PCDH15: variants seen among roughly 807,000 people sequenced by gnomAD.
PCDH15 encodes protocadherin-15.
PCDH15 carries 129 observed loss-of-function variants against 178.5 expected under a neutral mutation model. The ratio of observed to expected loss-of-function variants is 0.72; its 90% CI spans 0.63 to 0.84. The LOEUF (loss-of-function observed/expected upper bound fraction) is 0.84, where lower values mean the gene tolerates loss of function less well. Among genes scored for constraint, PCDH15 ranks in the 40% least tolerant of loss-of-function variants. The pLI, the probability that PCDH15 is intolerant of heterozygous loss-of-function variation, is 0.00. For missense variants in PCDH15, 2,230 were observed against 2,099.9 expected, an observed-to-expected ratio of 1.06 and a Z score of -1.21; for synonymous variants, 800 against 732.0, an observed-to-expected ratio of 1.09 and a Z score of -1.50.
intron 1 of PCDH15, among the ~76,000 whole-genome samples, chr10:54,754,206 C>T (rs945334659): frequency 4.3e-4 from 66 of 152,048 alleles, no homozygotes; most frequent in African/African-American, 1.5e-3. Flanking sequence ...TTCAAATTTC[C>T]TTTAGATTAG....
intron 2 of PCDH15, among the ~76,000 whole-genome samples, chr10:55,129,529 ATTC>A: frequency 6.6e-6 from 1 of 152,228 alleles, no homozygotes; most frequent in East Asian, 1.9e-4. Flanking sequence ...TACATAGTCA[ATTC>A]TTCTCTCTTA....
At chr10:54,656,813 G>C (rs1229004016) in intron 2 of PCDH15, among the ~76,000 whole-genome samples, 3 of 152,168 alleles carry the variant, frequency 2.0e-5, no homozygotes. Flanking sequence ...GATCACTGAA[G>C]GGAGTGGCAC....
chr10:54,447,987 TA>T (rs1301751240), intron 3 of PCDH15, among the ~76,000 whole-genome samples: 1 of 151,658 alleles, frequency 6.6e-6, no homozygotes, highest in East Asian at 1.9e-4. Context: ...CCATATGTTA[TA>T]ATATTTAACT....
chr10:53,822,256 A>G (rs1458256380), intron 32 of PCDH15: 3 of 1,613,828 alleles, frequency 1.9e-6, no homozygotes, highest in African/African-American at 1.3e-5. Flanking sequence ...CAAGGAATAG[A>G]AGGAGGTGGT....
At chr10:54,651,324 G>T (rs770593805) in intron 2 of PCDH15, among the ~76,000 whole-genome samples, 6 of 152,118 alleles carry the variant, frequency 3.9e-5, no homozygotes, top group Non-Finnish European at 7.4e-5. Flanking sequence ...AGTAGGCAAA[G>T]CAAGAATATA....
At chr10:55,403,089 C>T (rs759175165) in intron 2 of PCDH15, among the ~76,000 whole-genome samples, 6 of 151,812 alleles carry the variant, frequency 4.0e-5, no homozygotes, top group Non-Finnish European at 7.4e-5. Context: ...TGACTGTTAA[C>T]GGATTGAATG....
chr10:55,256,090 A>G (rs1323227394), intron 1 of PCDH15, among the ~76,000 whole-genome samples: 5 of 151,962 alleles, frequency 3.3e-5, no homozygotes, highest in African/African-American at 9.7e-5. Context: ...TAGGTCTAAC[A>G]TTTAAGTCTT....
At chr10:54,782,082 T>C (rs1029492709) in intron 1 of PCDH15, among the ~76,000 whole-genome samples, 5 of 152,228 alleles carry the variant, frequency 3.3e-5, no homozygotes, top group African/African-American at 1.2e-4. Context: ...ATCTATAAAA[T>C]AGAATTGAGA....
intron 29 of PCDH15, among the ~76,000 whole-genome samples, chr10:53,836,432 A>G (rs1455537324): frequency 6.6e-6 from 1 of 152,150 alleles, no homozygotes; most frequent in Non-Finnish European, 1.5e-5. Context: ...GAGTGTGGGC[A>G]GAAACCTCTT....
chr10:55,211,660 G>T lies in PCDH15; in HGVS notation c.-155-45009C>A, dbSNP rs530789805. ...TAAGTGAAGTTATTTTCCACTCAAA[G>T]ACCAAATATTAACATTTTCAGATTA... On this transcript the variant is annotated intron_variant, in intron 1 of 5. Transcript: ENST00000458638. Among the ~76,000 whole-genome samples, 10 of 152,018 alleles carry T rather than the reference G, an allele frequency of 6.6e-5. No individual in the cohort carries two copies. The South Asian group carries it at 1.7e-3, about 25-fold the overall frequency.
At chr10:54,459,380 G>T (rs928504624) in intron 3 of PCDH15, among the ~76,000 whole-genome samples, 3 of 151,850 alleles carry the variant, frequency 2.0e-5, no homozygotes, top group Admixed American at 2.0e-4. Flanking sequence ...TTCATGAAAA[G>T]AATTATGTCA....
chr10:54,308,751 T>G (rs2060708164), intron 8 of PCDH15, among the ~76,000 whole-genome samples: 1 of 152,020 alleles, frequency 6.6e-6, no homozygotes, highest in Admixed American at 6.6e-5. Flanking sequence ...ATAATCTACA[T>G]TAGGTATTTC....
chr10:54,933,674 A>C (rs1392682610), intron 2 of PCDH15, among the ~76,000 whole-genome samples: 2 of 152,142 alleles, frequency 1.3e-5, no homozygotes, highest in Non-Finnish European at 2.9e-5. Flanking sequence ...CCTTGATAAA[A>C]TTCCTTAAAA....
chr10:55,001,476 T>A (rs970555714), intron 2 of PCDH15, among the ~76,000 whole-genome samples: 6 of 152,126 alleles, frequency 3.9e-5, no homozygotes, highest in Admixed American at 3.9e-4. Context: ...GGCTGTGACA[T>A]CCTCATTGGG....
At chr10:54,361,154 G>A (rs534352587) in intron 5 of PCDH15, among the ~76,000 whole-genome samples, 1 of 152,050 alleles carries the variant, frequency 6.6e-6, no homozygotes, top group South Asian at 2.1e-4. Flanking sequence ...ACATACTCAG[G>A]TCCCTAATTG....
chr10:54,093,711 C>A (rs2094642386), intron 15 of PCDH15, among the ~76,000 whole-genome samples: 1 of 152,032 alleles, frequency 6.6e-6, no homozygotes, highest in Admixed American at 6.6e-5. Flanking sequence ...CTCATTTAAA[C>A]CTAATAGTAA....
chr10:54,521,456 A>G (rs1338903535), intron 3 of PCDH15, among the ~76,000 whole-genome samples: 2 of 152,224 alleles, frequency 1.3e-5, no homozygotes, highest in African/African-American at 4.8e-5. Flanking sequence ...TCACCAAAAT[A>G]TATTCAATAA....
At chr10:54,254,043 G>A (rs1318781817) in intron 8 of PCDH15, among the ~76,000 whole-genome samples, 1 of 151,900 alleles carries the variant, frequency 6.6e-6, no homozygotes, top group Non-Finnish European at 1.5e-5. Flanking sequence ...ACAAAATGAG[G>A]AATATAAGTA....
At chr10:54,476,227 T>C (rs1565371625) in intron 3 of PCDH15, among the ~76,000 whole-genome samples, 1 of 151,756 alleles carries the variant, frequency 6.6e-6, no homozygotes, top group African/African-American at 2.4e-5. Context: ...ATTGCAAATA[T>C]AGGGAGTCTG....
Sources: allele counts gnomAD v4.1 joint callset (sites outside exome capture counted in the v4.1 genomes callset), GRCh38; gene constraint gnomAD v4.1.1; transcripts MANE v1.5; gene names NCBI Gene and HGNC (gene_info 2026-07-23, HGNC 2026-07-21).